SH3GL3: variants seen among roughly 807,000 people sequenced by gnomAD.
SH3GL3 encodes the protein SH3 domain containing GRB2 like 3, endophilin A3.
SH3GL3 carries 33 observed loss-of-function variants against 47.7 expected under a neutral mutation model. The observed-to-expected ratio is 0.69, with a 90% CI of 0.52 to 0.92. The LOEUF is 0.92. SH3GL3 is among the 40% of genes least tolerant of loss of function. The pLI is 0.00. For missense variants in SH3GL3, 363 were observed against 417.8 expected (o/e 0.87, Z 1.14); for synonymous variants, 155 against 148.8 (o/e 1.04, Z -0.30).
At chr15:83,507,842 GTA>G (rs1223170077) in intron 1 of SH3GL3, among the ~76,000 whole-genome samples, 1 of 152,180 alleles carries the variant, frequency 6.6e-6, no homozygotes, top group African/African-American at 2.4e-5. Flanking sequence ...CTCAAAATGA[GTA>G]TATTATACGG....
Position 83,447,646 on chromosome 15 carries a change from G to A in SH3GL3, c.45+68G>A. Reference sequence around the variant, plus strand: ...GGCTGCGGCCCCCCGAGGCTCCCGGGCCTTTGGGACTCCTGTTCCCTGAAG... The same window carrying A: ...GGCTGCGGCCCCCCGAGGCTCCCGGACCTTTGGGACTCCTGTTCCCTGAAG... On this transcript the variant is annotated intron_variant, in intron 1 of 8. Transcript: ENST00000427482. The surrounding 1 kb of genome is among the most constrained non-coding windows in gnomAD (Gnocchi z 5.1). The A allele has an allele frequency of 1.7e-6, 2 of 1,209,096 alleles. No individual in the cohort carries two copies. Among genetic ancestry groups the A allele is most frequent in the African/African-American group, 1.6e-5 (1 of 62,998 alleles). 74.9% of individuals were successfully genotyped at this position (1,209,096 alleles called of 1,614,324 possible). A position where few individuals can be genotyped will look rare whatever the true frequency, so the allele number is the denominator to read the frequency against.
At chr15:83,569,673 T>C (rs1430255066) in intron 4 of SH3GL3, among the ~76,000 whole-genome samples, 2 of 152,222 alleles carry the variant, frequency 1.3e-5, no homozygotes, top group African/African-American at 4.8e-5. Context: ...ACCCTAGAGA[T>C]TATCTTTTTA....
At chr15:83,584,378 C>T (rs749508471) in intron 6 of SH3GL3, among the ~76,000 whole-genome samples, 1 of 152,134 alleles carries the variant, frequency 6.6e-6, no homozygotes, top group South Asian at 2.1e-4. Context: ...CAATCATAAC[C>T]GCAAAGTCCC....
the SH3GL3 span, among the ~76,000 whole-genome samples, chr15:83,623,928 C>T: frequency 4.2e-3 from 640 of 152,164 alleles, 2 homozygotes; most frequent in Non-Finnish European, 6.9e-3. Flanking sequence ...TGGGATTACA[C>T]GTGCCCACCA....
Position 83,568,353 on chromosome 15 carries a change from G to A in SH3GL3, c.188-176G>A, listed in dbSNP as rs865980562. Among the ~76,000 whole-genome samples the A allele has an allele frequency of 3.2e-4, 49 of 152,244 alleles. 1 individual carries two copies. The highest frequency in any genetic ancestry group is 1.1e-3 in the African/African-American group (46 of 41,544). Reference sequence around the variant, plus strand: ...TGCACTTAGCACCCACCTTGGTAAAGAACCTAGAAAATTACCTGAGAAAAT... The same window carrying A: ...TGCACTTAGCACCCACCTTGGTAAAAAACCTAGAAAATTACCTGAGAAAAT... On this transcript the variant is annotated intron_variant, in intron 3 of 8. Coordinates refer to ENST00000427482, the MANE Select transcript of SH3GL3 (RefSeq NM_003027.5).
chr15:83,599,646 A>C (rs1002770031), intron 8 of SH3GL3, among the ~76,000 whole-genome samples: 1 of 152,240 alleles, frequency 6.6e-6, no homozygotes, highest in African/African-American at 2.4e-5. Context: ...TTTTGCTGCT[A>C]TAAACATGCG....
intron 1 of SH3GL3, among the ~76,000 whole-genome samples, chr15:83,535,260 T>C (rs1322205595): frequency 6.6e-6 from 1 of 152,164 alleles, no homozygotes; most frequent in Non-Finnish European, 1.5e-5. Context: ...AATAAAACAT[T>C]GTCAGCTTCA....
intron 1 of SH3GL3, among the ~76,000 whole-genome samples, chr15:83,503,589 C>A (rs1037322875): frequency 1.2e-4 from 18 of 152,136 alleles, no homozygotes; most frequent in African/African-American, 4.3e-4. Flanking sequence ...ATTTTGTTCT[C>A]CCCCAGTTTT....
At chr15:83,617,414 C>T (rs1444932194) in intron 8 of SH3GL3, among the ~76,000 whole-genome samples, 2 of 152,150 alleles carry the variant, frequency 1.3e-5, no homozygotes, top group East Asian at 1.9e-4. Flanking sequence ...CAGTGGATCA[C>T]GCCTGTAATC....
chr15:83,630,173 T>C, the SH3GL3 span, among the ~76,000 whole-genome samples: 2,023 of 152,338 alleles, frequency 0.013, 45 homozygotes, highest in African/African-American at 0.046. Flanking sequence ...TTCCCAGCCA[T>C]GTGGAACTGT....
chr15:83,588,231 A>G (rs1192782864), intron 7 of SH3GL3, among the ~76,000 whole-genome samples: 1 of 152,134 alleles, frequency 6.6e-6, no homozygotes, highest in Admixed American at 6.6e-5. Context: ...TCCAGTTTCA[A>G]GAGATTCTCC....
chr15:83,632,938 A>G, the SH3GL3 span, among the ~76,000 whole-genome samples: 2 of 152,220 alleles, frequency 1.3e-5, no homozygotes, highest in African/African-American at 2.4e-5. Context: ...CACTAAGCAC[A>G]TGAAAAAGTG....
chr15:83,527,206 A>G (rs1476686388), intron 1 of SH3GL3, among the ~76,000 whole-genome samples: 1 of 152,058 alleles, frequency 6.6e-6, no homozygotes, highest in Non-Finnish European at 1.5e-5. Flanking sequence ...ATTGGATGAA[A>G]TGTTCTGTAA....
In SH3GL3 at chr15:83,597,614, A is replaced by AT. The variant is rs576512829; in HGVS notation, c.838+8845dup. Among the ~76,000 whole-genome samples, 546 of 150,814 alleles carry AT rather than the reference A, an allele frequency of 3.6e-3. 2 individuals are homozygous for AT. Among genetic ancestry groups the AT allele is most frequent in the African/African-American group, 0.013 (524 of 41,118 alleles). On this transcript the variant is annotated intron_variant, in intron 8 of 8. Transcript: ENST00000427482. Reference sequence around the variant, plus strand: ...TTTATTTTATTTTATTATAATTATTATTATTTTTTTTTGAGATGGAGTTTC... The same window carrying AT: ...TTTATTTTATTTTATTATAATTATTATTTATTTTTTTTTGAGATGGAGTTTC...
chr15:83,587,525 T>TTA (rs776787700), intron 7 of SH3GL3, among the ~76,000 whole-genome samples: 8 of 105,024 alleles, frequency 7.6e-5, no homozygotes, highest in African/African-American at 2.9e-4. Context: ...TAAATATCTG[T>TTA]AAAAAAAAAA....
At position 83,468,493 on chromosome 15, in the gene SH3GL3, G is replaced by A. The variant is rs373053224; in HGVS notation, c.45+20915G>A. On this transcript the variant is annotated intron_variant, in intron 1 of 8. Transcript: ENST00000427482. ...TTCACTATTAAGTGTAGTGTTCACT[G>A]TAGGATTTTTGTAGATGCTCTTAAC... Among the ~76,000 whole-genome samples the A allele has an allele frequency of 3.4e-4, 52 of 152,312 alleles. 1 individual carries two copies. Among genetic ancestry groups the A allele is most frequent in the African/African-American group, 1.2e-3 (49 of 41,570 alleles).
intron 2 of SH3GL3, among the ~76,000 whole-genome samples, chr15:83,562,373 C>G (rs12902433): frequency 7.2e-5 from 11 of 151,844 alleles, no homozygotes; most frequent in Non-Finnish European, 1.5e-5. Context: ...AGAAAATATC[C>G]CCATTCTAAT....
chr15:83,590,738 T>C (rs895168208), intron 8 of SH3GL3, among the ~76,000 whole-genome samples: 2 of 152,254 alleles, frequency 1.3e-5, no homozygotes, highest in Admixed American at 6.5e-5. Context: ...TGTTTCTTCA[T>C]GTCTTTTGTC....
In SH3GL3 at chr15:83,580,167, G is replaced by T. The variant is rs527649322; in HGVS notation, c.624+3426G>T. On this transcript the variant is annotated intron_variant, in intron 6 of 8. Transcript: ENST00000427482. ...AGTCACAACCCGCACGTCCAACCTTGGTCACTCAACCTCTTGTTGCCATGT... is the reference window on the plus strand; with the variant it reads ...AGTCACAACCCGCACGTCCAACCTTTGTCACTCAACCTCTTGTTGCCATGT... 7.2e-5 allele frequency among the ~76,000 whole-genome samples: 11 copies of T among 152,246 alleles called. No individual in the cohort carries two copies. In the South Asian group the frequency reaches 2.3e-3, roughly 32 times the overall value.
Sources: allele counts gnomAD v4.1 joint callset (sites outside exome capture counted in the v4.1 genomes callset), GRCh38; gene constraint gnomAD v4.1.1; non-coding constraint Gnocchi (gnomAD v3.1); transcripts MANE v1.5; gene names NCBI Gene and HGNC (gene_info 2026-07-23, HGNC 2026-07-21).